LAMA1: variants seen among roughly 807,000 people sequenced by gnomAD.
LAMA1 encodes the protein laminin subunit alpha 1, also known as laminin subunit alpha-1.
In LAMA1, 219 loss-of-function variants were observed where a neutral mutation model predicts 348.7. The observed-to-expected ratio is 0.63, with a 90% confidence interval of 0.56 to 0.70. The LOEUF (loss-of-function observed/expected upper bound fraction) is 0.70, where lower values mean the gene tolerates loss of function less well. Among genes scored for constraint, LAMA1 ranks in the 30% least tolerant of loss-of-function variants. LAMA1 has a pLI of 0.00. For missense variants in LAMA1, 3,744 were observed against 3,888.0 expected, an observed-to-expected ratio of 0.96 and a Z score of 0.99; for synonymous variants, 1,487 against 1,491.0, an observed-to-expected ratio of 1.00 and a Z score of 0.06.
chr18:7,012,287 CTGAG>C, intron 23 of LAMA1, 149 bp from the exon 24 acceptor site: 1 of 793,370 alleles, frequency 1.3e-6, no homozygotes, highest in South Asian at 1.5e-5. Context: ...CCGGAGCTTT[CTGAG>C]TGTCAGTTTT....
At chr18:7,096,355 A>C (rs1403546821) in intron 1 of LAMA1, among the ~76,000 whole-genome samples, 3 of 152,208 alleles carry the variant, frequency 2.0e-5, no homozygotes, top group Admixed American at 1.3e-4. Context: ...CACTGGTGAA[A>C]TTCATGGTAG....
intron 23 of LAMA1, among the ~76,000 whole-genome samples, chr18:7,012,589 T>G (rs182525871): frequency 0.01 from 1,512 of 150,500 alleles, 9 homozygotes; most frequent in Middle Eastern, 0.031. Context: ...CACTGCAACC[T>G]CCACCCCCCG....
chr18:6,985,592 C>T lies in LAMA1; in HGVS notation c.5431G>A (p.Val1811Ile). ...GCATCTATCAATCCTCTTCCTTGGA[C>T]AATGAGCTCTGAGGTCAGATTTTGT... ...EEQNLTSELI[V>I]QGRGLIDAAA... The change falls in exon 38 of 63, where the codon GTC (valine) becomes ATC (isoleucine). Residue 1811 changes from valine to isoleucine, a missense_variant. By Grantham distance (29) the Val-to-Ile change is conservative. Around this residue, in one of 3 missense-constraint regions of LAMA1, gnomAD observed 1,983 missense variants for 1,934.3 expected, o/e 1.03. Transcript: ENST00000389658. 1.2e-6 allele frequency: 2 copies of T among 1,614,128 alleles called. No homozygotes were observed. The highest frequency in any genetic ancestry group is 1.7e-6 in the Non-Finnish European group (2 of 1,180,016).
intron 1 of LAMA1, among the ~76,000 whole-genome samples, chr18:7,087,784 T>C (rs1428859878): frequency 6.6e-6 from 1 of 152,146 alleles, no homozygotes; most frequent in Non-Finnish European, 1.5e-5. Flanking sequence ...CTGCCATCAG[T>C]GTGGCCTTGG....
chr18:7,005,324 C>T (rs1209864649), intron 29 of LAMA1, among the ~76,000 whole-genome samples: 1 of 152,236 alleles, frequency 6.6e-6, no homozygotes, highest in Non-Finnish European at 1.5e-5. Context: ...GTCAGGGGCA[C>T]TGGCTTAGAA....
At chr18:7,095,561 G>A (rs888266574) in intron 1 of LAMA1, among the ~76,000 whole-genome samples, 1 of 152,156 alleles carries the variant, frequency 6.6e-6, no homozygotes, top group African/African-American at 2.4e-5. Context: ...GGGCCTCATT[G>A]GTTTCCAGGA....
At chr18:7,010,522 T>G (rs1395060245) in intron 25 of LAMA1, 137 bp from the exon 26 acceptor site, 1 of 841,590 alleles carries the variant, frequency 1.2e-6, no homozygotes, top group African/African-American at 1.7e-5. Flanking sequence ...TTGTCTGGAA[T>G]TTGCTTCCTT....
Position 7,057,177 on chromosome 18 carries a change from TACA to T in LAMA1, c.346-6244_346-6242del, listed in dbSNP as rs551412436. ...CCATGCCCCAACAACTCTGAATTCTTACAACAACATTCTTCTTACAAAGTAAGT... is the reference window on the plus strand; with the variant it reads ...CCATGCCCCAACAACTCTGAATTCTTACAACATTCTTCTTACAAAGTAAGT... On this transcript the variant is annotated intron_variant, in intron 3 of 62. Transcript: ENST00000389658. Among the ~76,000 whole-genome samples the T allele has an allele frequency of 2.6e-3, 390 of 152,246 alleles. 3 individuals carry two copies. The highest frequency in any genetic ancestry group is 3.7e-3 in the Non-Finnish European group (249 of 68,014).
In LAMA1 at chr18:7,117,710, C is replaced by T. The variant is rs1206058601; in HGVS notation, c.11G>A (p.Gly4Asp). ...ACACAGCAGCAAGACCAGGAGCACG[C>T]CCCCGCGCATCTCGCCTCCGCCGCC... MRG[G>D]VLLVLLLCVA... The change falls in exon 1 of 63, where the codon GGC (glycine) becomes GAC (aspartate). Residue 4 changes from glycine to aspartate, a missense_variant. Around this residue, in one of 3 missense-constraint regions of LAMA1, gnomAD observed 1,529 missense variants for 1,689.4 expected, o/e 0.91. Coordinates refer to ENST00000389658, the MANE Select transcript of LAMA1 (RefSeq NM_005559.4). 5 of 1,598,386 alleles carry T rather than the reference C, an allele frequency of 3.1e-6. No individual in the cohort carries two copies. The highest frequency in any genetic ancestry group is 3.4e-6 in the Non-Finnish European group (4 of 1,178,374).
chr18:7,044,154 C>T (rs1169551947), intron 7 of LAMA1, among the ~76,000 whole-genome samples: 1 of 123,482 alleles, frequency 8.1e-6, no homozygotes, highest in South Asian at 2.6e-4. Flanking sequence ...CAGAGTGAGA[C>T]TCCATCTCAA....
chr18:6,979,554 A>G (rs940563329), intron 42 of LAMA1, among the ~76,000 whole-genome samples: 4 of 152,058 alleles, frequency 2.6e-5, no homozygotes, highest in Non-Finnish European at 5.9e-5. Context: ...ACAAAAGAGA[A>G]GTTTGAGGTG....
intron 1 of LAMA1, among the ~76,000 whole-genome samples, chr18:7,107,228 C>A (rs1215062757): frequency 6.6e-6 from 1 of 151,442 alleles, no homozygotes; most frequent in Non-Finnish European, 1.5e-5. Flanking sequence ...ACGCCATTCT[C>A]CTGCCTCTGC....
In LAMA1 at chr18:6,943,386, T is replaced by C. The variant is rs768876579; in HGVS notation, c.8861A>G (p.Asn2954Ser). Residue 2954 changes from asparagine to serine, a missense_variant, in exon 62 of 63, where the codon AAC (asparagine) becomes AGC (serine). Around this residue, in one of 3 missense-constraint regions of LAMA1, gnomAD observed 232 missense variants for 264.4 expected, o/e 0.88. Coordinates refer to ENST00000389658, the MANE Select transcript of LAMA1 (RefSeq NM_005559.4). ...LVDGKVLFHV[N>S]NGAGRITAAY... ...AGCTGTTATCCTGCCAGCACCATTG[T>C]TGACATGGAACAAGACCTAAAAGCA... The C allele has an allele frequency of 3.1e-6, 5 of 1,614,174 alleles. No homozygotes were observed. The highest frequency in any genetic ancestry group is 2.2e-5 in the South Asian group (2 of 91,082).
chr18:7,017,216 A>G, intron 20 of LAMA1, 62 bp downstream of exon 20: 1 of 1,300,560 alleles, frequency 7.7e-7, no homozygotes, highest in Non-Finnish European at 1.1e-6. Context: ...GCTCCTTCTG[A>G]GTCATGGATT....
chr18:6,997,161 T>G (rs1358168415), intron 33 of LAMA1, among the ~76,000 whole-genome samples: 1 of 152,012 alleles, frequency 6.6e-6, no homozygotes, highest in Non-Finnish European at 1.5e-5. Context: ...CCTCCCAGGT[T>G]CAAGCAATTC....
chr18:7,036,043 T>C lies in LAMA1; in HGVS notation c.1783A>G (p.Ile595Val). 6.2e-7 allele frequency: 1 copy of C among 1,614,212 alleles called. No individual in the cohort carries two copies. ...GFLKYTVSYDIPVETVDSNLM... is the reference protein window; with the variant it reads ...GFLKYTVSYDVPVETVDSNLM... ...TTACTGTCTACCGTCTCTACCGGAA[T>C]ATCGTAGGACACCGTGTATTTCAGG... Residue 595 changes from isoleucine to valine, a missense_variant, in exon 13 of 63, where the codon ATT becomes GTT. Ile to Val is a conservative substitution (Grantham distance 29). This residue lies in a region of LAMA1 where 1,529 missense variants were observed against 1,689.4 expected (regional missense o/e 0.91). Coordinates refer to ENST00000389658, the MANE Select transcript of LAMA1 (RefSeq NM_005559.4).
intron 61 of LAMA1, among the ~76,000 whole-genome samples, chr18:6,944,885 G>A (rs2143962486): frequency 6.6e-6 from 1 of 152,114 alleles, no homozygotes; most frequent in Admixed American, 6.5e-5. Flanking sequence ...TTATTTCTAG[G>A]TGGACTGTGA....
chr18:7,012,006 C>A lies in LAMA1; in HGVS notation c.3496G>T (p.Val1166Leu). 1.2e-6 allele frequency: 2 copies of A among 1,606,652 alleles called. No individual in the cohort carries two copies. Among genetic ancestry groups the A allele is most frequent in the African/African-American group, 1.3e-5 (1 of 74,924 alleles). The change falls in exon 24 of 63, where the codon GTG becomes TTG. Residue 1166 changes from valine to leucine, a missense_variant. Transcript: ENST00000389658. ...TGTGTGTGACTTACTGGGGTCCTCA[C>A]GTAGTCCTCCAGCTCTGAGCAGAGG... The part of the protein sequence containing the change: ...SHLCSELEDY[V>L]RTPVTLGSDQ...
Position 6,958,488 on chromosome 18 carries a change from G to T in LAMA1, c.7953C>A (p.Ile2651=). ...GCAGGTACACTTACTCCAAATTGAA[G>T]ATCAGGTTTTTGATACAGCCATGGA... ...RSFHGCIKNL[I]FNLELLDFNS... Residue 2651 remains isoleucine (I), a synonymous_variant, in exon 55 of 63, where the codon ATC becomes ATA. Transcript: ENST00000389658. 1 of 1,614,220 alleles carries T rather than the reference G, an allele frequency of 6.2e-7. No homozygotes were observed. The highest frequency in any genetic ancestry group is 8.5e-7 in the Non-Finnish European group (1 of 1,180,048).
Sources: gnomAD v4.1 joint callset for allele counts (sites outside exome capture counted in the v4.1 genomes callset) on GRCh38, gnomAD v4.1.1 for gene constraint, gnomAD v4.1.1 regional missense constraint, MANE v1.5 for transcripts, NCBI Gene and HGNC (gene_info 2026-07-23, HGNC 2026-07-21) for gene names.